CDC42SE2: variants seen among roughly 807,000 people sequenced by gnomAD.
CDC42SE2 encodes CDC42 small effector 2, also known as CDC42 small effector protein 2.
In CDC42SE2, 3 loss-of-function variants were observed where a neutral mutation model predicts 11.5. The ratio of observed to expected loss-of-function variants is 0.26; its 90% CI spans 0.12 to 0.67. The LOEUF is 0.67. Ranked by LOEUF, CDC42SE2 falls within the 30% of genes least tolerant of loss-of-function variation. CDC42SE2 has a pLI of 0.80. For missense variants in CDC42SE2, 82 were observed against 106.8 expected (o/e 0.77, Z 1.02); for synonymous variants, 33 against 34.8 (o/e 0.95, Z 0.18).
intron 1 of CDC42SE2, among the ~76,000 whole-genome samples, chr5:131,268,912 G>A (rs188911614): frequency 1.3e-5 from 2 of 151,824 alleles, no homozygotes; most frequent in East Asian, 3.9e-4. Context: ...CACCATGCCT[G>A]GCTAATTTTT....
chr5:131,355,300 G>GA (rs1415173576), intron 2 of CDC42SE2, among the ~76,000 whole-genome samples: 1 of 151,920 alleles, frequency 6.6e-6, no homozygotes, highest in Non-Finnish European at 1.5e-5. Context: ...AACATAGTGA[G>GA]ACCCTGTCTC....
At chr5:131,367,681 T>C (rs1480590996) in intron 3 of CDC42SE2, among the ~76,000 whole-genome samples, 1 of 152,190 alleles carries the variant, frequency 6.6e-6, no homozygotes, top group Admixed American at 6.5e-5. Context: ...ATTTTTAAAA[T>C]TTCTTATTTA....
In CDC42SE2 at chr5:131,359,407, A is replaced by G; in HGVS notation, c.-87A>G. 2.2e-6 allele frequency: 2 copies of G among 922,198 alleles called. No individual in the cohort carries two copies. The highest frequency in any genetic ancestry group is 1.3e-5 in the South Asian group (1 of 76,942). 57.1% of individuals were successfully genotyped at this position (922,198 alleles called of 1,614,324 possible). On this transcript the variant is annotated 5_prime_UTR_variant, in exon 3 of 5. Transcript: ENST00000505065. ...AAATTTCATCTTGGCATCACTGGACATCATCGTATTGAGGAGCGTATTTTT... is the reference window on the plus strand; with the variant it reads ...AAATTTCATCTTGGCATCACTGGACGTCATCGTATTGAGGAGCGTATTTTT...
chr5:131,326,001 G>T (rs1361796273), intron 2 of CDC42SE2, among the ~76,000 whole-genome samples: 1 of 152,062 alleles, frequency 6.6e-6, no homozygotes, highest in Non-Finnish European at 1.5e-5. Context: ...CCAGTTAGAG[G>T]GTAGTCTTGA....
chr5:131,336,758 C>T (rs1400404618), intron 2 of CDC42SE2, among the ~76,000 whole-genome samples: 8 of 152,144 alleles, frequency 5.3e-5, no homozygotes, highest in Non-Finnish European at 8.8e-5. Context: ...TCCAGTTGAT[C>T]GCATCGGTTA....
At chr5:131,354,888 G>T (rs1396532474) in intron 2 of CDC42SE2, 1 of 152,088 alleles carries the variant, frequency 6.6e-6, no homozygotes, top group East Asian at 1.9e-4. Context: ...TTGCTATGTT[G>T]CCTAGGCTAG....
the CDC42SE2 span, among the ~76,000 whole-genome samples, chr5:131,230,443 G>A: frequency 2.6e-5 from 4 of 152,294 alleles, no homozygotes; most frequent in Non-Finnish European, 5.9e-5. Flanking sequence ...TTGAAAAGGC[G>A]AAGGGGCAAA....
chr5:131,358,663 G>A (rs1169136588), intron 2 of CDC42SE2, among the ~76,000 whole-genome samples: 2 of 152,092 alleles, frequency 1.3e-5, no homozygotes, highest in Non-Finnish European at 2.9e-5. Context: ...CTAATAGCTC[G>A]ATTCACAGAA....
chr5:131,330,992 C>T (rs975825628), intron 2 of CDC42SE2, among the ~76,000 whole-genome samples: 1 of 152,066 alleles, frequency 6.6e-6, no homozygotes, highest in Non-Finnish European at 1.5e-5. Context: ...CACCATTGCC[C>T]TGCAGCCTGG....
chr5:131,254,032 A>AT (rs1334537169), intron 1 of CDC42SE2, among the ~76,000 whole-genome samples: 16 of 152,140 alleles, frequency 1.1e-4, no homozygotes, highest in Middle Eastern at 3.4e-3. Context: ...AACACCACAG[A>AT]TTTTTTCTTC....
At chr5:131,230,631 A>G in the CDC42SE2 span, among the ~76,000 whole-genome samples, 1 of 152,220 alleles carries the variant, frequency 6.6e-6, no homozygotes, top group Non-Finnish European at 1.5e-5. Context: ...AACCACAGCA[A>G]GGGAACATGG....
At chr5:131,288,201 G>A (rs1039877203) in intron 1 of CDC42SE2, among the ~76,000 whole-genome samples, 1 of 151,780 alleles carries the variant, frequency 6.6e-6, no homozygotes, top group Non-Finnish European at 1.5e-5. Context: ...TCCAGCCTGG[G>A]TGACAGAGGG....
the CDC42SE2 span, among the ~76,000 whole-genome samples, chr5:131,240,436 C>A: frequency 1.3e-5 from 2 of 152,160 alleles, no homozygotes; most frequent in Non-Finnish European, 2.9e-5. Flanking sequence ...CCAAACATAA[C>A]TCTTAGCCTT....
At chr5:131,263,158 T>A (rs1186945074), upstream of CDC42SE2, among the ~76,000 whole-genome samples, 1 of 151,790 alleles carries the variant, frequency 6.6e-6, no homozygotes, top group Non-Finnish European at 1.5e-5. Context: ...TCTGTTCTAT[T>A]TTGAAGGTAC....
chr5:131,296,629 GATTAGGGGCCCACTCTACTCCAGT>G (rs1018424771), intron 1 of CDC42SE2, among the ~76,000 whole-genome samples: 2 of 152,104 alleles, frequency 1.3e-5, no homozygotes, highest in African/African-American at 4.8e-5. Context: ...AATCATATTG[GATTAGGGGCCCACTCTACTCCAGT>G]ATGATCTCAT....
chr5:131,281,374 C>T (rs1282421937), intron 1 of CDC42SE2, among the ~76,000 whole-genome samples: 1 of 152,058 alleles, frequency 6.6e-6, no homozygotes, highest in Non-Finnish European at 1.5e-5. Context: ...AGAAATGATG[C>T]ATTTGTGGTC....
At chr5:131,245,240 C>T (rs1333052394), upstream of CDC42SE2, among the ~76,000 whole-genome samples, 3 of 152,160 alleles carry the variant, frequency 2.0e-5, no homozygotes, top group Non-Finnish European at 4.4e-5. Context: ...GGTGTGTTTG[C>T]TTTCTAATTT....
rs984456701 is a variant in CDC42SE2 at position 131,381,937 on chromosome 5, A to G, written c.55-3606A>G. The stretch of plus-strand genomic sequence containing the variant: ...TTCATCTTAGGTGTTTACCTTTACT[A>G]TGCTCGCACAACACAGTTGCTCCTT... On this transcript the variant is annotated intron_variant, in intron 3 of 4. Coordinates refer to ENST00000505065, the MANE Select transcript of CDC42SE2 (RefSeq NM_001375635.1). 3.3e-5 allele frequency among the ~76,000 whole-genome samples: 5 copies of G among 152,112 alleles called. No individual in the cohort carries two copies. In the East Asian group the frequency reaches 9.6e-4, roughly 29 times the overall value.
intron 1 of CDC42SE2, among the ~76,000 whole-genome samples, chr5:131,287,905 CT>C (rs917976916): frequency 2.6e-5 from 4 of 151,214 alleles, no homozygotes; most frequent in African/African-American, 9.7e-5. Context: ...AATTTTTTTT[CT>C]TTTATTATTT....
Sources: allele counts gnomAD v4.1 joint callset (sites outside exome capture counted in the v4.1 genomes callset), GRCh38; gene constraint gnomAD v4.1.1; transcripts MANE v1.5; gene names NCBI Gene and HGNC (gene_info 2026-07-23, HGNC 2026-07-21).